Variants in RORA observed in about 807,000 individuals in gnomAD.
RORA encodes the protein RAR related orphan receptor A.
Under a neutral mutation model 69.5 loss-of-function variants are expected in RORA, and 7 were observed. That is an observed-to-expected ratio of 0.10 (90% confidence interval 0.06 to 0.19). RORA has a LOEUF of 0.19. Among genes scored for constraint, RORA ranks in the 10% least tolerant of loss-of-function variants. The probability of loss-of-function intolerance (pLI) is 1.00; values close to 1 mark genes in which losing one functional copy is unlikely to be tolerated. For synonymous variants in RORA, 261 were observed against 240.8 expected (o/e 1.08, Z -0.78); for missense variants, 457 against 663.0 (o/e 0.69, Z 3.41).
intron 1 of RORA, among the ~76,000 whole-genome samples, chr15:61,198,831 C>T (rs1332963706): frequency 6.6e-6 from 1 of 152,138 alleles, no homozygotes; most frequent in African/African-American, 2.4e-5. Flanking sequence ...AATCAAGAGG[C>T]TTACTCTCCA....
chr15:60,987,495 TA>T (rs1894240621), intron 1 of RORA, among the ~76,000 whole-genome samples: 3 of 152,160 alleles, frequency 2.0e-5, no homozygotes, highest in Admixed American at 2.0e-4. Flanking sequence ...TAGTGAGGAT[TA>T]GGGGTGCTCA....
At chr15:60,866,273 T>A (rs2073486152) in intron 1 of RORA, among the ~76,000 whole-genome samples, 1 of 152,206 alleles carries the variant, frequency 6.6e-6, no homozygotes, top group Non-Finnish European at 1.5e-5. Flanking sequence ...AAGATTTGTT[T>A]TAGCTCCCAC....
intron 1 of RORA, among the ~76,000 whole-genome samples, chr15:61,186,564 C>T (rs1365454155): frequency 2.1e-5 from 3 of 140,104 alleles, no homozygotes; most frequent in Admixed American, 1.6e-4. Context: ...TTGCCTGAAC[C>T]GGGGAGGTGG....
intron 1 of RORA, among the ~76,000 whole-genome samples, chr15:60,767,330 C>A (rs965389840): frequency 2.0e-5 from 3 of 152,128 alleles, no homozygotes; most frequent in African/African-American, 7.2e-5. Flanking sequence ...AAGGCAAATA[C>A]TAACTGGAAA....
At chr15:60,944,235 C>A (rs1445057988) in intron 1 of RORA, among the ~76,000 whole-genome samples, 4 of 152,126 alleles carry the variant, frequency 2.6e-5, no homozygotes, top group African/African-American at 9.7e-5. Context: ...TGTAACTGGT[C>A]TGAGATGGAG....
rs199531730 is a variant in RORA, at chr15:60,511,335, A to G, written c.711T>C (p.Asn237=). ...PSPDQSGLDI[N]GIKPEPICDY... is the part of the protein sequence containing the mutation. ...CACATATTGGTTCTGGTTTGATTCCATTGATATCAAGACCTGACTGGTCTG... is the reference window on the plus strand; with the variant it reads ...CACATATTGGTTCTGGTTTGATTCCGTTGATATCAAGACCTGACTGGTCTG... Residue 237 remains asparagine, a synonymous_variant, in exon 5 of 11, where the codon AAT becomes AAC. Coordinates refer to ENST00000335670, the MANE Select transcript of RORA (RefSeq NM_134261.3). The surrounding 1 kb of genome is among the most constrained non-coding windows in gnomAD (Gnocchi z 6.4). 5.0e-4 allele frequency: 799 copies of G among 1,614,052 alleles called. 1 individual carries two copies. Among genetic ancestry groups the G allele is most frequent in the Non-Finnish European group, 6.3e-4 (747 of 1,180,024 alleles).
intron 1 of RORA, among the ~76,000 whole-genome samples, chr15:60,874,208 G>A (rs545361005): frequency 6.6e-5 from 10 of 152,096 alleles, no homozygotes; most frequent in South Asian, 2.1e-4. Context: ...TAGGGGAGTA[G>A]ATTATACTAA....
chr15:60,692,587 G>C (rs1171437570), intron 1 of RORA, among the ~76,000 whole-genome samples: 1 of 152,174 alleles, frequency 6.6e-6, no homozygotes, highest in Non-Finnish European at 1.5e-5. Flanking sequence ...ATGATGTCTG[G>C]GATTTGCTTT....
intron 2 of RORA, among the ~76,000 whole-genome samples, chr15:60,653,628 A>T (rs1223476933): frequency 1.3e-5 from 2 of 152,096 alleles, no homozygotes; most frequent in Admixed American, 1.3e-4. Context: ...AGATTAAATA[A>T]CCTGCCCACA....
intron 1 of RORA, among the ~76,000 whole-genome samples, chr15:60,692,502 C>T (rs2140776612): frequency 6.6e-6 from 1 of 152,246 alleles, no homozygotes; most frequent in Admixed American, 6.5e-5. Context: ...GTAAAGGAAA[C>T]AAGGGAGAAT....
intron 1 of RORA, among the ~76,000 whole-genome samples, chr15:60,743,013 T>C (rs551719800): frequency 1.1e-3 from 150 of 140,476 alleles, no homozygotes; most frequent in Non-Finnish European, 1.6e-3. Flanking sequence ...ATGCATTCAT[T>C]CTATTTTTTT....
chr15:61,039,259 G>C (rs1264725267), intron 1 of RORA: 4 of 152,206 alleles, frequency 2.6e-5, no homozygotes, highest in Non-Finnish European at 1.5e-5. Flanking sequence ...GCTTGGGAGA[G>C]GGAGGTAAAA....
intron 1 of RORA, among the ~76,000 whole-genome samples, chr15:61,157,537 G>A (rs913756510): frequency 2.6e-4 from 40 of 152,200 alleles, no homozygotes; most frequent in Middle Eastern, 3.4e-3. Flanking sequence ...CCTCACAGCC[G>A]TTTGTACCCA....
intron 1 of RORA, among the ~76,000 whole-genome samples, chr15:60,751,299 G>A (rs2071719895): frequency 6.6e-6 from 1 of 152,222 alleles, no homozygotes; most frequent in East Asian, 1.9e-4. Context: ...GGAATTGGCA[G>A]TTGCGTGAAG....
intron 1 of RORA, among the ~76,000 whole-genome samples, chr15:60,780,228 G>A (rs996622872): frequency 6.6e-6 from 1 of 152,140 alleles, no homozygotes; most frequent in Non-Finnish European, 1.5e-5. Context: ...AAACCATCTG[G>A]AGAACTTTTG....
chr15:61,058,782 T>C (rs1301264264), intron 1 of RORA, among the ~76,000 whole-genome samples: 2 of 152,204 alleles, frequency 1.3e-5, no homozygotes, highest in African/African-American at 2.4e-5. Context: ...GTGCTGCTCA[T>C]TCCACTGTAA....
At chr15:60,777,140 G>T (rs1425095950) in intron 1 of RORA, among the ~76,000 whole-genome samples, 1 of 152,188 alleles carries the variant, frequency 6.6e-6, no homozygotes, top group Non-Finnish European at 1.5e-5. Context: ...TTTAAGACGA[G>T]CAAAAACAGA....
At chr15:60,660,240 C>T (rs866776600) in intron 2 of RORA, among the ~76,000 whole-genome samples, 1 of 152,126 alleles carries the variant, frequency 6.6e-6, no homozygotes, top group Non-Finnish European at 1.5e-5. Context: ...TCAGCTTCAT[C>T]GCAATATTAT....
At chr15:60,950,430 A>G (rs1390642995) in intron 1 of RORA, among the ~76,000 whole-genome samples, 1 of 90,840 alleles carries the variant, frequency 1.1e-5, no homozygotes, top group Admixed American at 1.3e-4. Flanking sequence ...TCAAATTCAC[A>G]CATAACAATA....
Sources: gnomAD v4.1 joint callset for allele counts (sites outside exome capture counted in the v4.1 genomes callset) on GRCh38, gnomAD v4.1.1 for gene constraint, Gnocchi (gnomAD v3.1) non-coding constraint, MANE v1.5 for transcripts, NCBI Gene and HGNC (gene_info 2026-07-23, HGNC 2026-07-21) for gene names.